Variants in NEB observed in about 807,000 individuals in gnomAD.
NEB encodes the protein nebulin.
Under a neutral mutation model 952.2 loss-of-function variants are expected in NEB, and 512 were observed. The ratio of observed to expected loss-of-function variants is 0.54; its 90% CI spans 0.50 to 0.58. NEB has a LOEUF of 0.58. Ranked by LOEUF, NEB falls within the 20% of genes least tolerant of loss-of-function variation. The pLI, the probability that NEB is intolerant of heterozygous loss-of-function variation, is 0.00. For missense variants in NEB, 8,428 were observed against 9,231.1 expected, an observed-to-expected ratio of 0.91 and a Z score of 3.56; for synonymous variants, 2,900 against 3,149.8, an observed-to-expected ratio of 0.92 and a Z score of 2.66.
chr2:151,728,026 T>A lies in NEB; in HGVS notation c.79-120A>T, dbSNP rs1035879759. 16 of 774,418 alleles carry A rather than the reference T, an allele frequency of 2.1e-5. No homozygotes were observed. In the African/African-American group the frequency reaches 2.6e-4, roughly 13 times the overall value. 48.0% of individuals were successfully genotyped at this position (774,418 alleles called of 1,614,324 possible). A position where few individuals can be genotyped will look rare whatever the true frequency, so the allele number is the denominator to read the frequency against. On this transcript the variant is annotated intron_variant, in intron 4 of 181. Coordinates refer to ENST00000397345, the MANE Select transcript of NEB (RefSeq NM_001164508.2). ...ACATTCCTGGTGTTACTTCTCCATA[T>A]CTAAAGTAAGCCAAAGCAGGAAATG... is the stretch of plus-strand genomic sequence containing the variant.
intron 39 of NEB, 78 bp downstream of exon 39, chr2:151,668,949 A>G (rs1165168298): frequency 1.1e-5 from 12 of 1,113,538 alleles, no homozygotes; most frequent in Non-Finnish European, 1.6e-5. Context: ...GCCCCCTACA[A>G]TTCTCAGAGC....
intron 62 of NEB, 30 bp from the exon 63 acceptor site, chr2:151,639,414 G>GA: frequency 6.8e-7 from 1 of 1,470,950 alleles, no homozygotes; most frequent in South Asian, 1.3e-5. Context: ...AATTCATCAG[G>GA]AAAAAAGTTC....
chr2:151,667,128 G>T (rs1421633722), intron 40 of NEB, among the ~76,000 whole-genome samples: 1 of 146,592 alleles, frequency 6.8e-6, no homozygotes, highest in African/African-American at 2.5e-5. Flanking sequence ...AAACCAGAAA[G>T]AATCAGCAAA....
Position 151,619,488 on chromosome 2 carries a change from A to T in NEB, c.10835T>A (p.Ile3612Asn). 1 of 1,612,422 alleles carries T rather than the reference A, an allele frequency of 6.2e-7. No homozygotes were observed. The highest frequency in any genetic ancestry group is 2.2e-5 in the East Asian group (1 of 44,852). Reference sequence around the variant, plus strand: ...GTCATAGGCTTTCCGTGCATGAATGATGTCATTCTGGTCGGGCAGGCAGAT... The same window carrying T: ...GTCATAGGCTTTCCGTGCATGAATGTTGTCATTCTGGTCGGGCAGGCAGAT... The part of the protein sequence containing the change: ...EWICLPDQND[I>N]IHARKAYDLQ... The change falls in exon 73 of 182, where the codon ATC becomes AAC. Residue 3612 changes from isoleucine to asparagine, a missense_variant. This residue lies in a region of NEB where 1,772 missense variants were observed against 1,960.3 expected (regional missense o/e 0.90). Coordinates refer to ENST00000397345, the MANE Select transcript of NEB (RefSeq NM_001164508.2).
Position 151,498,392 on chromosome 2 carries a change from A to AAT in NEB, c.24115-42_24115-41dup, listed in dbSNP as rs776501970. 30 of 1,427,326 alleles carry AAT rather than the reference A, an allele frequency of 2.1e-5. 1 individual carries two copies. The African/African-American group carries it at 4.1e-4, about 20-fold the overall frequency. 88.4% of individuals were successfully genotyped at this position (1,427,326 alleles called of 1,614,324 possible). A position where few individuals can be genotyped will look rare whatever the true frequency, so the allele number is the denominator to read the frequency against. ...AGCATCCAGAACAAAAAAAGCAATCAATCAGTCATTTTCCCCCTGCTTTGG... is the reference window on the plus strand; with the variant it reads ...AGCATCCAGAACAAAAAAAGCAATCAATATCAGTCATTTTCCCCCTGCTTTGG... On this transcript the variant is annotated intron_variant, in intron 169 of 181. Transcript: ENST00000397345.
In NEB at chr2:151,631,209, T is replaced by C. The variant is rs2154073140; in HGVS notation, c.9552A>G (p.Lys3184=). The C allele has an allele frequency of 6.2e-7, 1 of 1,613,928 alleles. No homozygotes were observed. The highest frequency in any genetic ancestry group is 8.5e-7 in the Non-Finnish European group (1 of 1,179,860). ...NIYRQPPDKL[K]FTSVTDSLEQ... is the part of the protein sequence containing the mutation. ...CTAGAGAATCAGTCACACTGGTAAA[T>C]TTCAGCTTGTCCGGAGGCTGGCGGT... is the stretch of plus-strand genomic sequence containing the variant. The change falls in exon 66 of 182, where the codon AAA becomes AAG. Residue 3184 remains lysine (K), a synonymous_variant. Transcript: ENST00000397345.
rs1388356625 is a variant in NEB at position 151,650,640 on chromosome 2, C to T, written c.7161G>A (p.Gln2387=). The change falls in exon 53 of 182, where the codon CAG becomes CAA. Residue 2387 remains glutamine, a synonymous_variant. Transcript: ENST00000397345. ...SDVDYKNYLH[Q]WTCLPDQNDV... Reference sequence around the variant, plus strand: ...CGTTCTGATCAGGCAGACATGTCCACTGATGCAGGTAGTTCTTGTAGTCCA... The same window carrying T: ...CGTTCTGATCAGGCAGACATGTCCATTGATGCAGGTAGTTCTTGTAGTCCA... 2 of 1,612,222 alleles carry T rather than the reference C, an allele frequency of 1.2e-6. No homozygotes were observed. The highest frequency in any genetic ancestry group is 2.2e-5 in the East Asian group (1 of 44,854).
intron 129 of NEB, among the ~76,000 whole-genome samples, chr2:151,550,726 C>T (rs1184191157): frequency 1.3e-5 from 2 of 152,140 alleles, no homozygotes; most frequent in East Asian, 3.8e-4. Flanking sequence ...CATCCTTGAC[C>T]TCCCTGGGCT....
Position 151,525,185 on chromosome 2 carries a change from TC to T in NEB, c.22249del (p.Glu7417LysfsTer57), listed in dbSNP as rs1316829746. The T allele has an allele frequency of 1.2e-6, 2 of 1,613,720 alleles. No homozygotes were observed. Among genetic ancestry groups the T allele is most frequent in the Admixed American group, 1.7e-5 (1 of 60,000 alleles). ...LEPPEVKHAMEVAKKQSDVAY... is the reference protein window; with the variant it reads ...LEPPEVKHAMXVAKKQSDVAY... ...TACATCACTTTGCTTCTTGGCCACT[TC>T]CATAGCATGTTTCACCTCTGGTGGC... is the stretch of plus-strand genomic sequence containing the variant. On this transcript the variant is annotated frameshift_variant, in exon 151 of 182. Coordinates refer to ENST00000397345, the MANE Select transcript of NEB (RefSeq NM_001164508.2). LOFTEE classifies it high-confidence loss of function.
In NEB at chr2:151,583,918, A is replaced by G. The variant is rs1578559844; in HGVS notation, c.15664-152T>C. The stretch of plus-strand genomic sequence containing the variant: ...TTACATATTTCAGTTCACTTTAAAG[A>G]AGTTAGATAATACGATTTTGGGTCA... On this transcript the variant is annotated intron_variant, in intron 100 of 181. Coordinates refer to ENST00000397345, the MANE Select transcript of NEB (RefSeq NM_001164508.2). 3.1e-5 allele frequency among the ~76,000 whole-genome samples: 4 copies of G among 128,546 alleles called. 1 individual carries two copies. Among genetic ancestry groups the G allele is most frequent in the South Asian group, 5.6e-4 (2 of 3,586 alleles). The allele number at this position is 128,546 out of a possible 152,430, so 84.3% of individuals were successfully genotyped here. A position where few individuals can be genotyped will look rare whatever the true frequency, so the allele number is the denominator to read the frequency against.
chr2:151,671,440 T>A (rs996399948), intron 37 of NEB: 18 of 474,820 alleles, frequency 3.8e-5, no homozygotes, highest in African/African-American at 3.5e-4. Flanking sequence ...GGAATCTAGG[T>A]CACATATTTT....
chr2:151,720,514 C>CT (rs2099771336), intron 9 of NEB, among the ~76,000 whole-genome samples: 1 of 152,174 alleles, frequency 6.6e-6, no homozygotes, highest in Non-Finnish European at 1.5e-5. Flanking sequence ...GAAGACTTTA[C>CT]TTCATTATTG....
At chr2:151,503,229 C>T (rs1012649001) in intron 166 of NEB, 120 bp downstream of exon 166, 59 of 744,244 alleles carry the variant, frequency 7.9e-5, no homozygotes, top group South Asian at 3.4e-4. Flanking sequence ...GGTAATAATA[C>T]ACAACACACA....
At chr2:151,707,527 A>C (rs1472862896) in intron 12 of NEB, among the ~76,000 whole-genome samples, 1 of 147,634 alleles carries the variant, frequency 6.8e-6, no homozygotes, top group Non-Finnish European at 1.5e-5. Context: ...GAGGAGGAGG[A>C]TGGAGCAGGG....
Position 151,502,867 on chromosome 2 carries a change from A to C in NEB, c.23854T>G (p.Leu7952Val), listed in dbSNP as rs763873161. The C allele has an allele frequency of 6.2e-7, 1 of 1,602,508 alleles. No homozygotes were observed. Among genetic ancestry groups the C allele is most frequent in the Non-Finnish European group, 8.5e-7 (1 of 1,173,394 alleles). ...NFSSVLYKEN[L>V]GKGIPTPITP... ...ATAGGTGTTGGGATTCCTTTCCCCA[A>C]ATTTTCTTTGTACAAAACCTGTGAG... The change falls in exon 167 of 182, where the codon TTG becomes GTG. Residue 7952 changes from leucine (L) to valine (V), a missense_variant. Physicochemically the swap from Leu to Val is conservative, Grantham distance 32 (BLOSUM62 1). Transcript: ENST00000397345.
At position 151,485,617 on chromosome 2, in the gene NEB, G is replaced by C. The variant is rs549826996; in HGVS notation, c.*143C>G. On this transcript the variant is annotated 3_prime_UTR_variant, in exon 182 of 182. Transcript: ENST00000397345. ...GCAACTTATTTTAAAACCCAAAGGAGAAAGGATGGTACTACCATAAATCAC... is the reference window on the plus strand; with the variant it reads ...GCAACTTATTTTAAAACCCAAAGGACAAAGGATGGTACTACCATAAATCAC... 2 of 706,616 alleles carry C rather than the reference G, an allele frequency of 2.8e-6. No individual in the cohort carries two copies. The highest frequency in any genetic ancestry group is 5.3e-5 in the East Asian group (2 of 37,706). The allele number at this position is 706,616 out of a possible 1,614,324, so 43.8% of individuals were successfully genotyped here.
At chr2:151,694,742 T>C (rs2099583617) in intron 18 of NEB, 113 bp from the exon 19 acceptor site, 2 of 788,230 alleles carry the variant, frequency 2.5e-6, no homozygotes, top group Non-Finnish European at 4.1e-6. Context: ...ATGGGCCCTT[T>C]TTATTGTCTA....
In NEB at chr2:151,656,368, C is replaced by T; in HGVS notation, c.6280G>A (p.Ala2094Thr). ...TACTCCCGATCAGATTGCATCTTAGCCACTTGCATGGAATGGACTAATTTG... is the reference window on the plus strand; with the variant it reads ...TACTCCCGATCAGATTGCATCTTAGTCACTTGCATGGAATGGACTAATTTG... ...DPKLVHSMQV[A>T]KMQSDREYKK... The change falls in exon 49 of 182, where the codon GCT becomes ACT. Residue 2094 changes from alanine (A) to threonine (T), a missense_variant. This residue lies in a region of NEB where 2,851 missense variants were observed against 2,791.5 expected (regional missense o/e 1.02). Coordinates refer to ENST00000397345, the MANE Select transcript of NEB (RefSeq NM_001164508.2). 6.2e-7 allele frequency: 1 copy of T among 1,613,560 alleles called. No individual in the cohort carries two copies. Among genetic ancestry groups the T allele is most frequent in the Non-Finnish European group, 8.5e-7 (1 of 1,179,668 alleles).
intron 138 of NEB, among the ~76,000 whole-genome samples, chr2:151,538,447 C>T (rs975882366): frequency 6.6e-6 from 1 of 152,038 alleles, no homozygotes; most frequent in Non-Finnish European, 1.5e-5. Context: ...GGAGTTTAAC[C>T]GATCATAATG....
Sources: allele counts gnomAD v4.1 joint callset (sites outside exome capture counted in the v4.1 genomes callset), GRCh38; gene constraint gnomAD v4.1.1; regional missense constraint gnomAD v4.1.1; transcripts MANE v1.5; gene names NCBI Gene and HGNC (gene_info 2026-07-23, HGNC 2026-07-21).